The following PARVA variants were observed in gnomAD, a reference collection of about 807,000 sequenced individuals.
The protein encoded by PARVA is alpha-parvin.
A neutral mutation model predicts 52.6 loss-of-function variants in PARVA; 25 were observed. The observed-to-expected ratio is 0.48, with a 90% CI of 0.35 to 0.66. The LOEUF (loss-of-function observed/expected upper bound fraction) is 0.66, where lower values mean the gene tolerates loss of function less well. PARVA is among the 30% of genes least tolerant of loss of function. The pLI is 0.01. For synonymous variants in PARVA, 185 were observed against 179.1 expected, an observed-to-expected ratio of 1.03 and a Z score of -0.26; for missense variants, 373 against 450.9, an observed-to-expected ratio of 0.83 and a Z score of 1.56.
Position 12,452,795 on chromosome 11 carries a change from G to A in PARVA, c.137-20950G>A, listed in dbSNP as rs976076005. 10 of 287,206 alleles carry A rather than the reference G, an allele frequency of 3.5e-5. No homozygotes were observed. In the East Asian group the frequency reaches 4.1e-4, roughly 12 times the overall value. 17.8% of individuals were successfully genotyped at this position (287,206 alleles called of 1,614,324 possible). ...AGGTCTGTGAGTCTCCAGTGGCATC[G>A]TATTAAATTATATAGGCAGCCACTT... On this transcript the variant is annotated intron_variant, in intron 1 of 12. Coordinates refer to ENST00000334956, the MANE Select transcript of PARVA (RefSeq NM_018222.5).
intron 1 of PARVA, among the ~76,000 whole-genome samples, chr11:12,379,434 A>G (rs1166573043): frequency 1.3e-5 from 2 of 152,166 alleles, no homozygotes; most frequent in Non-Finnish European, 2.9e-5. Flanking sequence ...TCTTTTCTCT[A>G]TGCTAGACCA....
At chr11:12,472,169 G>A (rs926896824) in intron 1 of PARVA, among the ~76,000 whole-genome samples, 1 of 152,118 alleles carries the variant, frequency 6.6e-6, no homozygotes, top group Admixed American at 6.6e-5. Context: ...GGAAGGAGGA[G>A]GATTGTCTTA....
chr11:12,460,203 A>C (rs1940758425), intron 1 of PARVA, among the ~76,000 whole-genome samples: 1 of 152,196 alleles, frequency 6.6e-6, no homozygotes, highest in Admixed American at 6.5e-5. Flanking sequence ...TCGTATAGAA[A>C]GCAAATGTTG....
intron 4 of PARVA, among the ~76,000 whole-genome samples, chr11:12,483,512 A>G (rs866527764): frequency 2.6e-5 from 4 of 152,300 alleles, no homozygotes; most frequent in Admixed American, 1.3e-4. Context: ...GCAAGGTAGC[A>G]AGGGCATTTA....
intron 1 of PARVA, among the ~76,000 whole-genome samples, chr11:12,442,867 CTTT>C (rs66540463): frequency 6.9e-6 from 1 of 145,192 alleles, no homozygotes; most frequent in Admixed American, 6.9e-5. Flanking sequence ...ACTTGACTTC[CTTT>C]TTTTTTTTTT....
chr11:12,444,503 G>C (rs561029514), intron 1 of PARVA, among the ~76,000 whole-genome samples: 1 of 152,072 alleles, frequency 6.6e-6, no homozygotes, highest in South Asian at 2.1e-4. Context: ...GGAGTGCAGT[G>C]ACAAGATCAA....
At chr11:12,503,143 C>T (rs769040460) in intron 5 of PARVA, among the ~76,000 whole-genome samples, 1 of 152,264 alleles carries the variant, frequency 6.6e-6, no homozygotes, top group Non-Finnish European at 1.5e-5. Context: ...AGTAACATCC[C>T]GTCCCAGCTG....
At position 12,527,947 on chromosome 11, in the gene PARVA, C is replaced by T; in HGVS notation, c.*22C>T. 1.3e-6 allele frequency: 2 copies of T among 1,577,642 alleles called. No homozygotes were observed. Among genetic ancestry groups the T allele is most frequent in the Non-Finnish European group, 1.7e-6 (2 of 1,148,056 alleles). On this transcript the variant is annotated 3_prime_UTR_variant, in exon 13 of 13. Coordinates refer to ENST00000334956, the MANE Select transcript of PARVA (RefSeq NM_018222.5). The stretch of plus-strand genomic sequence containing the variant: ...GTGAGGGGCTGCCCTGGGCCCACCA[C>T]TGCCCAAGAGTTCTTGCTGTTGGCG...
chr11:12,394,028 A>G (rs1461493698), intron 1 of PARVA, among the ~76,000 whole-genome samples: 3 of 152,202 alleles, frequency 2.0e-5, no homozygotes, highest in Non-Finnish European at 4.4e-5. Context: ...ATATTAATCA[A>G]GTATTTGCCC....
chr11:12,451,102 G>A (rs955956991), intron 1 of PARVA, among the ~76,000 whole-genome samples: 2 of 152,208 alleles, frequency 1.3e-5, no homozygotes, highest in African/African-American at 4.8e-5. Context: ...CTGTGGCTTG[G>A]TCAGTGTGCT....
chr11:12,394,627 T>C (rs1939707628), intron 1 of PARVA, among the ~76,000 whole-genome samples: 1 of 152,180 alleles, frequency 6.6e-6, no homozygotes, highest in Admixed American at 6.5e-5. Flanking sequence ...GTGGTGGGTA[T>C]GTGGAGAGTT....
At chr11:12,388,274 C>T (rs1403085724) in intron 1 of PARVA, among the ~76,000 whole-genome samples, 2 of 152,200 alleles carry the variant, frequency 1.3e-5, no homozygotes, top group East Asian at 1.9e-4. Context: ...GTGTGGATCA[C>T]TATAGGACTT....
In PARVA at chr11:12,381,038, A is replaced by AT. The variant is rs796701222; in HGVS notation, c.136+3256dup. Among the ~76,000 whole-genome samples, 37 of 152,234 alleles carry AT rather than the reference A, an allele frequency of 2.4e-4. 1 individual carries two copies. Among genetic ancestry groups the AT allele is most frequent in the African/African-American group, 8.4e-4 (35 of 41,544 alleles). ...TAATCCAGGGGCTGTAAATGGATGA[A>AT]TGGAAGAACACAGAACGTCTTCTGA... On this transcript the variant is annotated intron_variant, in intron 1 of 12. Transcript: ENST00000334956.
At position 12,511,518 on chromosome 11, in the gene PARVA, C is replaced by G. The variant is rs769861601; in HGVS notation, c.721C>G (p.Leu241Val). The part of the protein sequence containing the change: ...QEEITGNTEA[L>V]SGRHERDAFD... ...TTCTTTCTCTTTTTCCTCCAGGGCT[C>G]TTTCCGGGAGGCATGGTAAGTCACA... Residue 241 changes from leucine (L) to valine (V), a missense_variant, in exon 8 of 13, where the codon CTT (leucine) becomes GTT (valine). Transcript: ENST00000334956. 7 of 1,613,342 alleles carry G rather than the reference C, an allele frequency of 4.3e-6. No homozygotes were observed. In the Admixed American group the frequency reaches 1.2e-4, roughly 27 times the overall value.
chr11:12,477,468 A>G (rs922773325), intron 3 of PARVA, among the ~76,000 whole-genome samples: 1 of 152,206 alleles, frequency 6.6e-6, no homozygotes, highest in African/African-American at 2.4e-5. Flanking sequence ...GGACATAGAT[A>G]TTAACAGGGA....
At chr11:12,479,885 C>T (rs1170674849) in intron 4 of PARVA, 1 of 152,234 alleles carries the variant, frequency 6.6e-6, no homozygotes, top group Non-Finnish European at 1.5e-5. Context: ...CCAGGCTTCT[C>T]CAGCACCATC....
At chr11:12,449,521 C>G (rs1364068940) in intron 1 of PARVA, among the ~76,000 whole-genome samples, 2 of 152,184 alleles carry the variant, frequency 1.3e-5, no homozygotes, top group East Asian at 3.9e-4. Flanking sequence ...GGAACCTTCC[C>G]TGTTTCTGTC....
intron 1 of PARVA, among the ~76,000 whole-genome samples, chr11:12,399,294 A>G (rs1289868318): frequency 6.6e-6 from 1 of 152,206 alleles, no homozygotes; most frequent in Non-Finnish European, 1.5e-5. Context: ...ATATAACAAT[A>G]TTTTCCCACA....
rs1941538594 is a variant in PARVA at position 12,514,081 on chromosome 11, C to T, written c.867+16C>T. 6.2e-7 allele frequency: 1 copy of T among 1,605,630 alleles called. No homozygotes were observed. The highest frequency in any genetic ancestry group is 1.3e-5 in the African/African-American group (1 of 74,916). On this transcript the variant is annotated intron_variant, in intron 10 of 12. Transcript: ENST00000334956. ...GGAAACCCAGGTGGGTGACAGACCC[C>T]AGCACAGGTAGAGGCAGGGCCCTGC...
Sources: allele counts gnomAD v4.1 joint callset (sites outside exome capture counted in the v4.1 genomes callset), GRCh38; gene constraint gnomAD v4.1.1; transcripts MANE v1.5; gene names NCBI Gene and HGNC (gene_info 2026-07-23, HGNC 2026-07-21).